The following SORL1 variants were observed in gnomAD, a reference collection of about 807,000 sequenced individuals.
SORL1 encodes sortilin related receptor 1, also known as sortilin-related receptor.
A neutral mutation model predicts 273.7 loss-of-function variants in SORL1; 127 were observed. The observed-to-expected ratio is 0.46, with a 90% confidence interval of 0.40 to 0.54. SORL1 has a LOEUF of 0.54. SORL1 is among the 20% of genes least tolerant of loss of function. SORL1 has a pLI of 0.00. For missense variants in SORL1, 2,494 were observed against 2,846.1 expected (o/e 0.88, Z 2.81); for synonymous variants, 1,031 against 1,067.4 (o/e 0.97, Z 0.66).
chr11:121,461,640 TC>T (rs938641091), intron 1 of SORL1, among the ~76,000 whole-genome samples: 1 of 152,220 alleles, frequency 6.6e-6, no homozygotes, highest in African/African-American at 2.4e-5. Context: ...GAAAACAGTG[TC>T]GCCTCTGGGC....
At chr11:121,479,647 G>A (rs570966979) in intron 3 of SORL1, among the ~76,000 whole-genome samples, 1 of 152,288 alleles carries the variant, frequency 6.6e-6, no homozygotes, top group South Asian at 2.1e-4. Context: ...GAGATCCTGG[G>A]GAAGGGACCA....
At chr11:121,453,083 A>G (rs1475669902) in intron 1 of SORL1, 1 of 154,454 alleles carries the variant, frequency 6.5e-6, no homozygotes, top group Non-Finnish European at 1.4e-5. Flanking sequence ...CTTGTCGACT[A>G]TCTCTGTACA....
intron 6 of SORL1, among the ~76,000 whole-genome samples, chr11:121,512,157 A>G (rs1477107769): frequency 2.0e-5 from 3 of 152,196 alleles, no homozygotes; most frequent in Non-Finnish European, 4.4e-5. Context: ...TCCATAGCAA[A>G]ATAAATGAGT....
Position 121,557,324 on chromosome 11 carries a change from C to T in SORL1, c.2582C>T (p.Pro861Leu), listed in dbSNP as rs1862603540. Residue 861 changes from proline to leucine, a missense_variant, in exon 19 of 48, where the codon CCA becomes CTA. Pro to Leu is a moderately conservative substitution (Grantham distance 98). Coordinates refer to ENST00000260197, the MANE Select transcript of SORL1 (RefSeq NM_003105.6). ...AGFKKIEVAN[P>L]DGDFRLTIVN... The stretch of plus-strand genomic sequence containing the variant: ...CCCTGTTTTTGTCAGGTAGCTAATC[C>T]AGATGGCGACTTCCGACTCACAATC... The T allele has an allele frequency of 6.2e-7, 1 of 1,613,814 alleles. No homozygotes were observed. Among genetic ancestry groups the T allele is most frequent in the Non-Finnish European group, 8.5e-7 (1 of 1,179,694 alleles).
At chr11:121,455,718 G>GTT (rs1860890818) in intron 1 of SORL1, among the ~76,000 whole-genome samples, 1 of 152,208 alleles carries the variant, frequency 6.6e-6, no homozygotes, top group South Asian at 2.1e-4. Flanking sequence ...TTCTGCCCAT[G>GTT]TTCAAGGCTC....
chr11:121,496,871 G>A lies in SORL1; in HGVS notation c.761G>A (p.Gly254Glu). ...IQEHVKSFSW[G>E]IDPYDKPNTI... ...ACCTTTTTTTTTTTTTCTGCCAGGG[G>A]AATTGATCCCTATGACAAACCAAAT... is the stretch of plus-strand genomic sequence containing the variant. Residue 254 changes from glycine to glutamate, a missense_variant and splice_region_variant, in exon 6 of 48, where the codon GGA becomes GAA. By Grantham distance (98) the Gly-to-Glu change is moderately conservative. Around this residue, in one of 3 missense-constraint regions of SORL1, gnomAD observed 710 missense variants for 882.5 expected, o/e 0.80. Coordinates refer to ENST00000260197, the MANE Select transcript of SORL1 (RefSeq NM_003105.6). 6.3e-7 allele frequency: 1 copy of A among 1,584,668 alleles called. No homozygotes were observed. Among genetic ancestry groups the A allele is most frequent in the Non-Finnish European group, 8.6e-7 (1 of 1,167,846 alleles).
At chr11:121,501,571 G>A (rs984245840) in intron 6 of SORL1, among the ~76,000 whole-genome samples, 3 of 152,218 alleles carry the variant, frequency 2.0e-5, no homozygotes, top group African/African-American at 7.2e-5. Flanking sequence ...CACATGGCTG[G>A]AGAGGCCTCA....
chr11:121,596,079 C>A lies in SORL1; in HGVS notation c.4519+307C>A, dbSNP rs538074386. Among the ~76,000 whole-genome samples the A allele has an allele frequency of 6.6e-6, 1 of 152,304 alleles. No homozygotes were observed. The highest frequency in any genetic ancestry group is 2.1e-4 in the South Asian group (1 of 4,824). ...ATAAGCATGTTTAACTCTTTAAAAA[C>A]GCCCTTGGGGAAAGCCACAACTCTT... is the stretch of plus-strand genomic sequence containing the variant. On this transcript the variant is annotated intron_variant, in intron 32 of 47. Coordinates refer to ENST00000260197, the MANE Select transcript of SORL1 (RefSeq NM_003105.6). The surrounding 1 kb of genome is among the most constrained non-coding windows in gnomAD (Gnocchi z 4.3).
At chr11:121,617,957 TG>T (rs1333637782) in intron 41 of SORL1, among the ~76,000 whole-genome samples, 10 of 152,198 alleles carry the variant, frequency 6.6e-5, no homozygotes, top group Non-Finnish European at 1.3e-4. Context: ...ACGATTTGAT[TG>T]GGCACCTGAG....
rs920569263 is a variant in SORL1, at chr11:121,452,838, C to T, written c.285+222C>T. On this transcript the variant is annotated intron_variant, in intron 1 of 47. Coordinates refer to ENST00000260197, the MANE Select transcript of SORL1 (RefSeq NM_003105.6). The surrounding 1 kb of genome is among the most constrained non-coding windows in gnomAD (Gnocchi z 5.3). ...AGTAAACGTATTCCAGGTAACTCGCCGGGTGCAGTGCGTATTACCCCAGGG... is the reference window on the plus strand; with the variant it reads ...AGTAAACGTATTCCAGGTAACTCGCTGGGTGCAGTGCGTATTACCCCAGGG... The T allele has an allele frequency of 6.3e-6, 3 of 473,780 alleles. No homozygotes were observed. The highest frequency in any genetic ancestry group is 7.8e-5 in the South Asian group (2 of 25,502). The allele number at this position is 473,780 out of a possible 1,614,324, so 29.3% of individuals were successfully genotyped here.
intron 12 of SORL1, among the ~76,000 whole-genome samples, chr11:121,536,636 C>T (rs1862271396): frequency 6.6e-6 from 1 of 150,388 alleles, no homozygotes; most frequent in African/African-American, 2.4e-5. Flanking sequence ...CTCATTTGAA[C>T]TCCTGAGTTC....
chr11:121,501,165 G>C (rs1861702978), intron 6 of SORL1, among the ~76,000 whole-genome samples: 1 of 152,076 alleles, frequency 6.6e-6, no homozygotes, highest in Admixed American at 6.5e-5. Flanking sequence ...GATATTTACA[G>C]ATTAAAAATA....
At chr11:121,455,118 A>G (rs1860882028) in intron 1 of SORL1, among the ~76,000 whole-genome samples, 1 of 152,104 alleles carries the variant, frequency 6.6e-6, no homozygotes, top group African/African-American at 2.4e-5. Flanking sequence ...GAGCTGGGGA[A>G]TAAAATTTCA....
intron 26 of SORL1, 111 bp from the exon 27 acceptor site, chr11:121,586,111 C>T (rs1863101537): frequency 2.5e-6 from 2 of 796,494 alleles, no homozygotes; most frequent in Admixed American, 1.8e-5. Context: ...TAGTTACAGC[C>T]AAATTGCCCT....
At chr11:121,553,241 C>T (rs1238368730) in intron 16 of SORL1, among the ~76,000 whole-genome samples, 1 of 152,160 alleles carries the variant, frequency 6.6e-6, no homozygotes, top group East Asian at 1.9e-4. Context: ...ATTTGGTTAA[C>T]AAGAGTTCTA....
chr11:121,545,296 G>C lies in SORL1; in HGVS notation c.1918G>C (p.Gly640Arg). 6.2e-7 allele frequency: 1 copy of C among 1,614,036 alleles called. No individual in the cohort carries two copies. The highest frequency in any genetic ancestry group is 1.1e-5 in the South Asian group (1 of 91,072). ...GCTGTGGTCACCATCTGATGAGCGG[G>C]GGAATGAGTGTTTGCTGGGACACAA... The part of the protein sequence containing the change: ...YKLWSPSDER[G>R]NECLLGHKTV... Residue 640 changes from glycine (G) to arginine (R), a missense_variant, in exon 14 of 48, where the codon GGG becomes CGG. Gly to Arg is a moderately radical substitution (Grantham distance 125). Around this residue, in one of 3 missense-constraint regions of SORL1, gnomAD observed 710 missense variants for 882.5 expected, o/e 0.80. Transcript: ENST00000260197.
At chr11:121,464,689 T>G (rs971023573) in intron 1 of SORL1, among the ~76,000 whole-genome samples, 2 of 152,052 alleles carry the variant, frequency 1.3e-5, no homozygotes, top group Non-Finnish European at 2.9e-5. Context: ...CCGAGGCGAG[T>G]CAAGGTGTGG....
intron 11 of SORL1, among the ~76,000 whole-genome samples, chr11:121,525,086 C>T (rs566370108): frequency 2.0e-4 from 31 of 152,234 alleles, no homozygotes; most frequent in South Asian, 4.1e-4. Flanking sequence ...TCACCCTCCC[C>T]GAGGTATCTT....
intron 32 of SORL1, among the ~76,000 whole-genome samples, chr11:121,597,729 GGATTAC>G (rs1473564848): frequency 7.2e-5 from 11 of 152,192 alleles, no homozygotes; most frequent in African/African-American, 2.7e-4. Context: ...CAAAGTGCTG[GGATTAC>G]AGGCCTGAGC....
Sources: allele counts gnomAD v4.1 joint callset (sites outside exome capture counted in the v4.1 genomes callset), GRCh38; gene constraint gnomAD v4.1.1; regional missense constraint gnomAD v4.1.1; non-coding constraint Gnocchi (gnomAD v3.1); transcripts MANE v1.5; gene names NCBI Gene and HGNC (gene_info 2026-07-23, HGNC 2026-07-21).